GSE1: variants seen among roughly 807,000 people sequenced by gnomAD.
GSE1 encodes genetic suppressor element 1.
GSE1 carries 32 observed loss-of-function variants against 112.6 expected under a neutral mutation model. The observed-to-expected ratio is 0.28, with a 90% CI of 0.21 to 0.38. The LOEUF is 0.38. Among genes scored for constraint, GSE1 ranks in the 10% least tolerant of loss-of-function variants. The pLI is 1.00. For synonymous variants in GSE1, 1,115 were observed against 735.6 expected, an observed-to-expected ratio of 1.52 and a Z score of -8.35; for missense variants, 2,348 against 1,699.2, an observed-to-expected ratio of 1.38 and a Z score of -6.71.
At chr16:85,378,849 G>C (rs552974612) in intron 2 of GSE1, among the ~76,000 whole-genome samples, 2 of 152,284 alleles carry the variant, frequency 1.3e-5, no homozygotes, top group East Asian at 3.9e-4. Context: ...CGGCTCTGCT[G>C]TTGCTCCCTC....
chr16:85,456,631 T>TGTGTGTGTGC lies in GSE1; in HGVS notation c.2464+98997_2464+98998insCGTGTGTGTG, dbSNP rs2049836135. 2.8e-5 allele frequency among the ~76,000 whole-genome samples: 4 copies of TGTGTGTGTGC among 141,246 alleles called. No individual in the cohort carries two copies. The South Asian group carries it at 9.0e-4, about 32-fold the overall frequency. The allele number at this position is 141,246 out of a possible 152,430, so 92.7% of individuals were successfully genotyped here. A position where few individuals can be genotyped will look rare whatever the true frequency, so the allele number is the denominator to read the frequency against. On this transcript the variant is annotated intron_variant, in intron 2 of 2. Transcript: ENST00000637419. Reference sequence around the variant, plus strand: ...GTGTGTGTGTGTGTGTGTGTGTGTGTGTGTGTGTGGTCTGCCATTTTTGCT... The same window carrying TGTGTGTGTGC: ...GTGTGTGTGTGTGTGTGTGTGTGTGTGTGTGTGTGCGTGTGTGTGGTCTGCCATTTTTGCT...
intron 2 of GSE1, among the ~76,000 whole-genome samples, chr16:85,387,403 C>T (rs1371988951): frequency 1.3e-5 from 2 of 152,238 alleles, no homozygotes; most frequent in Non-Finnish European, 2.9e-5. Context: ...GCCGTTGTGG[C>T]TCCTGCTCTG....
Position 85,508,530 on chromosome 16 carries a change from A to C in GSE1, c.2465-125384A>C, listed in dbSNP as rs1381582189. 2.0e-5 allele frequency among the ~76,000 whole-genome samples: 3 copies of C among 152,152 alleles called. No individual in the cohort carries two copies. The East Asian group carries it at 5.8e-4, about 30-fold the overall frequency. ...AGGAGGGGCTGCCTGCATGGGTGAG[A>C]GGTGGTTGAGCTTCAGCCTGGGCCT... On this transcript the variant is annotated intron_variant, in intron 2 of 2. Transcript: ENST00000637419.
chr16:85,303,469 C>T (rs967858165), intron 1 of GSE1, among the ~76,000 whole-genome samples: 3 of 151,558 alleles, frequency 2.0e-5, no homozygotes, highest in South Asian at 2.1e-4. Flanking sequence ...CAGAGGGCGC[C>T]GCACCCCCGC....
chr16:85,241,830 C>A (rs965291136), intron 1 of GSE1, among the ~76,000 whole-genome samples: 5 of 152,096 alleles, frequency 3.3e-5, no homozygotes, highest in African/African-American at 4.8e-5. Flanking sequence ...GTGGCCGATG[C>A]CCTTTATGGT....
intron 1 of GSE1, among the ~76,000 whole-genome samples, chr16:85,297,021 A>T (rs371260372): frequency 6.6e-6 from 1 of 151,648 alleles, no homozygotes; most frequent in South Asian, 2.1e-4. Context: ...ATCTTTATTG[A>T]CTTATGGGGC....
Position 85,281,776 on chromosome 16 carries a change from G to T in GSE1, c.2284-75687G>T, listed in dbSNP as rs147597054. 3.2e-3 allele frequency among the ~76,000 whole-genome samples: 480 copies of T among 152,308 alleles called. 2 individuals are homozygous for T. Among genetic ancestry groups the T allele is most frequent in the Non-Finnish European group, 5.2e-3 (356 of 68,028 alleles). On this transcript the variant is annotated intron_variant, in intron 1 of 2. Transcript: ENST00000637419. ...GATGGGGTGGGAGGATGGAGAGCAT[G>T]TGCACGGGGTTAGTGTTGCTTCCAA...
At chr16:85,548,349 C>G (rs1438535585) in intron 2 of GSE1, among the ~76,000 whole-genome samples, 1 of 150,978 alleles carries the variant, frequency 6.6e-6, no homozygotes, top group Non-Finnish European at 1.5e-5. Context: ...CTATAGAACA[C>G]TAGGTCTTCT....
rs2053506667 is a variant in GSE1 at position 85,673,510 on chromosome 16, T to TTAG, written c.*972_*973insAGT. Reference sequence around the variant, plus strand: ...AAAAAAAAAACCTTGCTTTTAGTGTTTGTACTGCTGCTGGTCAGGACATTA... The same window carrying TTAG: ...AAAAAAAAAACCTTGCTTTTAGTGTTTAGTGTACTGCTGCTGGTCAGGACATTA... On this transcript the variant is annotated 3_prime_UTR_variant, in exon 16 of 16. Coordinates refer to ENST00000253458, the MANE Select transcript of GSE1 (RefSeq NM_014615.5). The TTAG allele has an allele frequency of 6.6e-6, 1 of 152,430 alleles. No homozygotes were observed. The highest frequency in any genetic ancestry group is 2.1e-4 in the South Asian group (1 of 4,824). The allele number at this position is 152,430 out of a possible 1,614,324, so 9.4% of individuals were successfully genotyped here. A position where few individuals can be genotyped will look rare whatever the true frequency, so the allele number is the denominator to read the frequency against.
chr16:85,354,926 C>T (rs750764266), intron 1 of GSE1, among the ~76,000 whole-genome samples: 5 of 152,222 alleles, frequency 3.3e-5, no homozygotes, highest in Non-Finnish European at 7.3e-5. Flanking sequence ...GGGTACCTGC[C>T]GTCCTGATGG....
chr16:85,176,077 C>G (rs896583080), intron 1 of GSE1, among the ~76,000 whole-genome samples: 2 of 152,182 alleles, frequency 1.3e-5, no homozygotes, highest in African/African-American at 4.8e-5. Context: ...CAGCCTCCCC[C>G]TCCTGAGCTC....
At chr16:85,589,280 G>A (rs2046856000) in intron 1 of GSE1, among the ~76,000 whole-genome samples, 1 of 152,224 alleles carries the variant, frequency 6.6e-6, no homozygotes, top group Non-Finnish European at 1.5e-5. Flanking sequence ...GGGTTTGTGG[G>A]TGGCTTCTAG....
chr16:85,246,229 A>ACG (rs1363450026), intron 1 of GSE1, among the ~76,000 whole-genome samples: 21 of 139,512 alleles, frequency 1.5e-4, no homozygotes, highest in Non-Finnish European at 2.5e-4. Context: ...ACACACACAC[A>ACG]CACACACACG....
intron 1 of GSE1, among the ~76,000 whole-genome samples, chr16:85,254,353 C>T (rs1022431161): frequency 6.6e-6 from 1 of 152,212 alleles, no homozygotes; most frequent in Non-Finnish European, 1.5e-5. Context: ...CCTGGTTCTC[C>T]TGGCTGTCTG....
At chr16:85,485,338 G>T (rs1280797425) in intron 2 of GSE1, among the ~76,000 whole-genome samples, 3 of 152,234 alleles carry the variant, frequency 2.0e-5, no homozygotes, top group East Asian at 1.9e-4. Flanking sequence ...AGCAGGGTGG[G>T]CCAGGTCCCG....
intron 2 of GSE1, among the ~76,000 whole-genome samples, chr16:85,483,756 G>A (rs529428812): frequency 6.6e-6 from 1 of 152,272 alleles, no homozygotes; most frequent in East Asian, 1.9e-4. Context: ...CAGCAGGCTC[G>A]GTGCTTGCCG....
intron 2 of GSE1, among the ~76,000 whole-genome samples, chr16:85,521,097 C>G (rs2052169650): frequency 6.6e-6 from 1 of 152,012 alleles, no homozygotes; most frequent in Admixed American, 6.5e-5. Context: ...CTCATGCTGA[C>G]ACCCTGACCT....
In GSE1 at chr16:85,250,690, C is replaced by T. The variant is rs536739079; in HGVS notation, c.2283+78883C>T. On this transcript the variant is annotated intron_variant, in intron 1 of 2. Coordinates refer to the GSE1 transcript ENST00000637419. The stretch of plus-strand genomic sequence containing the variant: ...ATTGAGATATAATTCACATATCATG[C>T]AAGCCACTGATTTAAAGTGTAGAGT... 7.9e-5 allele frequency among the ~76,000 whole-genome samples: 12 copies of T among 152,256 alleles called. No individual in the cohort carries two copies. In the East Asian group the frequency reaches 2.3e-3, roughly 29 times the overall value.
chr16:85,665,171 C>A, intron 12 of GSE1, 43 bp downstream of exon 12: 1 of 1,189,304 alleles, frequency 8.4e-7, no homozygotes. Context: ...CAGGACCATC[C>A]CATGGGCTGC....
Sources: gnomAD v4.1 joint callset for allele counts (sites outside exome capture counted in the v4.1 genomes callset) on GRCh38, gnomAD v4.1.1 for gene constraint, MANE v1.5 for transcripts, NCBI Gene and HGNC (gene_info 2026-07-23, HGNC 2026-07-21) for gene names.